The following ASAP1 variants were observed in gnomAD, a reference collection of about 807,000 sequenced individuals.
ASAP1 encodes ArfGAP with SH3 domain, ankyrin repeat and PH domain 1.
A neutral mutation model predicts 145.2 loss-of-function variants in ASAP1; 43 were observed. The observed-to-expected ratio is 0.30, with a 90% confidence interval of 0.23 to 0.38. ASAP1 has a LOEUF of 0.38. ASAP1 is among the 10% of genes least tolerant of loss of function. The pLI, the probability that ASAP1 is intolerant of heterozygous loss-of-function variation, is 1.00. For missense variants in ASAP1, 1,018 were observed against 1,355.3 expected, an observed-to-expected ratio of 0.75 and a Z score of 3.91; for synonymous variants, 546 against 515.5, an observed-to-expected ratio of 1.06 and a Z score of -0.80.
intron 3 of ASAP1, among the ~76,000 whole-genome samples, chr8:130,256,069 G>A (rs1381333677): frequency 6.6e-6 from 1 of 152,082 alleles, no homozygotes; most frequent in African/African-American, 2.4e-5. Flanking sequence ...CACAGACCCA[G>A]GGACCTAACG....
At position 130,158,589 on chromosome 8, in the gene ASAP1, T is replaced by C. The variant is rs73425394; in HGVS notation, c.1010+1275A>G. Among the ~76,000 whole-genome samples the C allele has an allele frequency of 7.0e-3, 1,061 of 152,204 alleles. 12 individuals are homozygous for C. The highest frequency in any genetic ancestry group is 0.025 in the African/African-American group (1,025 of 41,516). On this transcript the variant is annotated intron_variant, in intron 12 of 29. Transcript: ENST00000518721. ...ATGCACTTACTGTGAAGCAGAATCATTTGTTTAAGCAACAGAAAAGAAGCC... is the reference window on the plus strand; with the variant it reads ...ATGCACTTACTGTGAAGCAGAATCACTTGTTTAAGCAACAGAAAAGAAGCC...
chr8:130,106,591 A>C (rs905529866), intron 24 of ASAP1, among the ~76,000 whole-genome samples: 1 of 152,166 alleles, frequency 6.6e-6, no homozygotes, highest in Non-Finnish European at 1.5e-5. Context: ...TAGTTTTATA[A>C]ATGTCCCCTC....
At chr8:130,124,142 C>G in intron 17 of ASAP1, 38 bp from the exon 18 acceptor site, 6 of 1,324,766 alleles carry the variant, frequency 4.5e-6, no homozygotes, top group Non-Finnish European at 6.4e-6. Flanking sequence ...ATATAGCAAA[C>G]TCTTTGCTAC....
chr8:130,302,384 G>C (rs1280977334), intron 3 of ASAP1, among the ~76,000 whole-genome samples: 1 of 152,198 alleles, frequency 6.6e-6, no homozygotes, highest in Non-Finnish European at 1.5e-5. Context: ...GTGGCACTGT[G>C]AACAGCTATC....
At chr8:130,148,348 C>T (rs1172430051) in intron 13 of ASAP1, among the ~76,000 whole-genome samples, 1 of 152,248 alleles carries the variant, frequency 6.6e-6, no homozygotes, top group Admixed American at 6.5e-5. Context: ...CTATAAAATG[C>T]AGTCTCATTA....
At chr8:130,066,777 C>T (rs183406534) in intron 27 of ASAP1, among the ~76,000 whole-genome samples, 81 of 152,278 alleles carry the variant, frequency 5.3e-4, no homozygotes, top group African/African-American at 1.9e-3. Context: ...AGAGAACTTC[C>T]GTAAATTCAG....
At chr8:130,082,714 ATTTTTTTTTTTT>A in intron 25 of ASAP1, 1 of 80,824 alleles carries the variant, frequency 1.2e-5, no homozygotes, top group African/African-American at 4.6e-5. Context: ...CTCATTACTA[ATTTTTTTTTTTT>A]TTTTTTTTTT....
intron 1 of ASAP1, among the ~76,000 whole-genome samples, chr8:130,431,308 AC>A (rs1037986106): frequency 1.1e-4 from 16 of 151,694 alleles, no homozygotes; most frequent in African/African-American, 3.4e-4. Context: ...GTATCACATG[AC>A]CCCCCTGCCT....
chr8:130,111,154 G>C (rs113047853), intron 24 of ASAP1, among the ~76,000 whole-genome samples: 2,917 of 135,630 alleles, frequency 0.022, 50 homozygotes, highest in Middle Eastern at 0.071. Context: ...GGGAGGATCA[G>C]TTGAGTACAG....
At chr8:130,303,850 C>CAT (rs1262798092) in intron 3 of ASAP1, among the ~76,000 whole-genome samples, 2 of 152,234 alleles carry the variant, frequency 1.3e-5, no homozygotes, top group South Asian at 2.1e-4. Context: ...ACAGAGGATA[C>CAT]ATATCATCGC....
At chr8:130,307,977 G>T (rs1457401268) in intron 3 of ASAP1, among the ~76,000 whole-genome samples, 1 of 152,218 alleles carries the variant, frequency 6.6e-6, no homozygotes, top group African/African-American at 2.4e-5. Context: ...TTCCTCAAAA[G>T]TTGTCTCCAT....
In ASAP1 at chr8:130,155,580, C is replaced by T. The variant is rs117910830; in HGVS notation, c.1011-2775G>A. Among the ~76,000 whole-genome samples, 23 of 152,328 alleles carry T rather than the reference C, an allele frequency of 1.5e-4. No individual in the cohort carries two copies. The East Asian group carries it at 4.3e-3, about 28-fold the overall frequency. ...GCCATGTCGCCCAGGCTGGTGGGCT[C>T]ACGTGATCTGCCGGCCTCGGCCTCC... is the stretch of plus-strand genomic sequence containing the variant. On this transcript the variant is annotated intron_variant, in intron 12 of 29. Transcript: ENST00000518721.
Position 130,187,269 on chromosome 8 carries a change from A to T in ASAP1, c.497T>A (p.Phe166Tyr). 6.2e-7 allele frequency: 1 copy of T among 1,610,564 alleles called. No individual in the cohort carries two copies. Among genetic ancestry groups the T allele is most frequent in the Non-Finnish European group, 8.5e-7 (1 of 1,179,146 alleles). ...CTCATAATCTTTCCAGGCTTTGTCA[A>T]ATGGCTTCTTGAGATCCTTAGAAAC... is the stretch of plus-strand genomic sequence containing the variant. Reference protein sequence around the residue: ...KGVKGDLKKPFDKAWKDYETK... With the variant: ...KGVKGDLKKPYDKAWKDYETK... Residue 166 changes from phenylalanine (F) to tyrosine (Y), a missense_variant, in exon 7 of 30, where the codon TTT (phenylalanine) becomes TAT (tyrosine). By Grantham distance (22) the Phe-to-Tyr change is conservative. Transcript: ENST00000518721.
intron 3 of ASAP1, among the ~76,000 whole-genome samples, chr8:130,265,866 T>G: frequency 6.6e-6 from 1 of 152,074 alleles, no homozygotes; most frequent in African/African-American, 2.4e-5. Context: ...TGGGCGAAAG[T>G]GAAACTGTCT....
At chr8:130,418,919 C>T (rs1829601362) in intron 1 of ASAP1, among the ~76,000 whole-genome samples, 1 of 152,058 alleles carries the variant, frequency 6.6e-6, no homozygotes, top group Non-Finnish European at 1.5e-5. Context: ...GAAGGGGCTT[C>T]AGTTCATCCC....
chr8:130,213,504 C>G (rs1816710235), intron 5 of ASAP1, among the ~76,000 whole-genome samples: 1 of 152,142 alleles, frequency 6.6e-6, no homozygotes. Context: ...CCTAAGGCCA[C>G]AGAAGCCTAT....
In ASAP1 at chr8:130,164,709, C is replaced by A. The variant is rs189797169; in HGVS notation, c.909+2827G>T. The stretch of plus-strand genomic sequence containing the variant: ...TTCATAGAACATTTATTTGCTAAGA[C>A]AATAAAAACTTAATAGAAAAAAAAT... On this transcript the variant is annotated intron_variant, in intron 11 of 29. Coordinates refer to ENST00000518721, the MANE Select transcript of ASAP1 (RefSeq NM_018482.4). Among the ~76,000 whole-genome samples, 8 of 152,194 alleles carry A rather than the reference C, an allele frequency of 5.3e-5. No homozygotes were observed. In the East Asian group the frequency reaches 1.4e-3, roughly 26 times the overall value.
chr8:130,079,948 A>G lies in ASAP1; in HGVS notation c.2596T>C (p.Ser866Pro). The G allele has an allele frequency of 3.7e-6, 6 of 1,614,168 alleles. No homozygotes were observed. Among genetic ancestry groups the G allele is most frequent in the Non-Finnish European group, 5.1e-6 (6 of 1,179,988 alleles). Residue 866 changes from serine (S) to proline (P), a missense_variant, in exon 26 of 30, where the codon TCA becomes CCA. Ser to Pro is a moderately conservative substitution (Grantham distance 74). This residue lies in a region of ASAP1 where 353 missense variants were observed against 375.4 expected (regional missense o/e 0.94). Coordinates refer to ENST00000518721, the MANE Select transcript of ASAP1 (RefSeq NM_018482.4). ...TCAAACTTGTTTGTAGTCTTACTTGAAGAGGATGGACCCCCATCGTTACCT... is the reference window on the plus strand; with the variant it reads ...TCAAACTTGTTTGTAGTCTTACTTGGAGAGGATGGACCCCCATCGTTACCT... ...PWGNDGGPSSSSKTTNKFEGL... is the reference protein window; with the variant it reads ...PWGNDGGPSSPSKTTNKFEGL...
intron 1 of ASAP1, among the ~76,000 whole-genome samples, chr8:130,426,608 T>TGAGGTAC (rs1829928406): frequency 6.6e-6 from 1 of 152,188 alleles, no homozygotes; most frequent in Non-Finnish European, 1.5e-5. Flanking sequence ...CTGGCTTCCT[T>TGAGGTAC]GAGGTACCTT....
Sources: allele counts gnomAD v4.1 joint callset (sites outside exome capture counted in the v4.1 genomes callset), GRCh38; gene constraint gnomAD v4.1.1; regional missense constraint gnomAD v4.1.1; transcripts MANE v1.5; gene names NCBI Gene and HGNC (gene_info 2026-07-23, HGNC 2026-07-21).